PDE4D: variants seen among roughly 807,000 people sequenced by gnomAD.
PDE4D encodes phosphodiesterase 4D, also known as 3',5'-cyclic-AMP phosphodiesterase 4D.
In PDE4D, 24 loss-of-function variants were observed where a neutral mutation model predicts 87.4. The observed-to-expected ratio is 0.27, with a 90% CI of 0.20 to 0.39. The LOEUF (loss-of-function observed/expected upper bound fraction) is 0.39, where lower values mean the gene tolerates loss of function less well. Ranked by LOEUF, PDE4D falls within the 10% of genes least tolerant of loss-of-function variation. PDE4D has a pLI of 1.00. For missense variants in PDE4D, 714 were observed against 1,041.0 expected, an observed-to-expected ratio of 0.69 and a Z score of 4.32; for synonymous variants, 384 against 383.2, an observed-to-expected ratio of 1.00 and a Z score of -0.02.
intron 1 of PDE4D, among the ~76,000 whole-genome samples, chr5:59,751,726 C>T (rs1399666572): frequency 6.6e-6 from 1 of 151,834 alleles, no homozygotes; most frequent in African/African-American, 2.4e-5. Context: ...ACCTAAACCC[C>T]ATGTAATCCC....
intron 1 of PDE4D, among the ~76,000 whole-genome samples, chr5:59,885,386 T>C (rs537128706): frequency 2.6e-5 from 4 of 152,286 alleles, no homozygotes; most frequent in African/African-American, 9.6e-5. Context: ...TCTGACCTTA[T>C]CTGTCTGAAG....
At chr5:59,042,925 T>C (rs1291750330) in intron 5 of PDE4D, among the ~76,000 whole-genome samples, 1 of 152,140 alleles carries the variant, frequency 6.6e-6, no homozygotes, top group Non-Finnish European at 1.5e-5. Flanking sequence ...AAAAAAGTAA[T>C]CACCTCAGAG....
chr5:59,330,172 A>C (rs1776449875), intron 1 of PDE4D, among the ~76,000 whole-genome samples: 1 of 152,182 alleles, frequency 6.6e-6, no homozygotes, highest in Non-Finnish European at 1.5e-5. Context: ...CTTGGGGATC[A>C]GGGGGCTATT....
At chr5:59,909,088 T>C (rs1375669891) in intron 3 of PDE4D, among the ~76,000 whole-genome samples, 1 of 152,168 alleles carries the variant, frequency 6.6e-6, no homozygotes, top group African/African-American at 2.4e-5. Flanking sequence ...TTAAAACTAT[T>C]TCTTCCCTTT....
intron 1 of PDE4D, among the ~76,000 whole-genome samples, chr5:59,331,054 C>T (rs143792352): frequency 6.6e-6 from 1 of 152,254 alleles, no homozygotes; most frequent in Non-Finnish European, 1.5e-5. Flanking sequence ...CTCCTGATCC[C>T]ATTGTAGTAG....
chr5:59,243,220 T>C (rs2153523549), intron 1 of PDE4D, among the ~76,000 whole-genome samples: 1 of 152,236 alleles, frequency 6.6e-6, no homozygotes, highest in East Asian at 1.9e-4. Flanking sequence ...AACAGAGGAC[T>C]CAACTTCTGA....
intron 6 of PDE4D, among the ~76,000 whole-genome samples, chr5:59,020,665 A>T (rs1167604408): frequency 6.8e-6 from 1 of 146,522 alleles, no homozygotes; most frequent in Non-Finnish European, 1.5e-5. Context: ...GGCTTCTGGA[A>T]TTTTTTTTTT....
intron 2 of PDE4D, among the ~76,000 whole-genome samples, chr5:60,066,301 ATTTG>A (rs1772084171): frequency 2.6e-5 from 4 of 151,962 alleles, no homozygotes; most frequent in Admixed American, 2.6e-4. Context: ...TTTCTTGTAA[ATTTG>A]TTTGAGTTCA....
At chr5:59,064,443 C>T (rs1201292494) in intron 5 of PDE4D, among the ~76,000 whole-genome samples, 2 of 152,090 alleles carry the variant, frequency 1.3e-5, no homozygotes, top group Admixed American at 6.6e-5. Flanking sequence ...GACTACATAG[C>T]CTCCTAAAAA....
In PDE4D at chr5:59,988,194, A is replaced by G. The variant is rs143067570; in HGVS notation, c.272+294T>C. On this transcript the variant is annotated intron_variant, in intron 3 of 16. Coordinates refer to the PDE4D transcript ENST00000502484. ...GTTCTCATTTGTTAAAATGTCTTCT[A>G]TCAAGTCACATATGGCCAATATTAA... is the stretch of plus-strand genomic sequence containing the variant. 136 of 267,664 alleles carry G rather than the reference A, an allele frequency of 5.1e-4. 1 individual carries two copies. Among genetic ancestry groups the G allele is most frequent in the African/African-American group, 2.7e-3 (127 of 46,230 alleles). The allele number at this position is 267,664 out of a possible 1,614,324, so 16.6% of individuals were successfully genotyped here.
intron 4 of PDE4D, among the ~76,000 whole-genome samples, chr5:59,181,963 G>T (rs752508844): frequency 1.5e-4 from 23 of 152,074 alleles, no homozygotes; most frequent in Non-Finnish European, 2.9e-4. Flanking sequence ...GGGGAAAGTT[G>T]GGGAAAGCAG....
At chr5:59,954,074 C>T (rs113564632) in intron 3 of PDE4D, among the ~76,000 whole-genome samples, 48 of 150,656 alleles carry the variant, frequency 3.2e-4, no homozygotes, top group Non-Finnish European at 4.7e-4. Flanking sequence ...TACAGGCATG[C>T]GCCACCATGC....
At chr5:59,253,899 A>G (rs965814306) in intron 1 of PDE4D, among the ~76,000 whole-genome samples, 16 of 152,172 alleles carry the variant, frequency 1.1e-4, no homozygotes, top group African/African-American at 3.9e-4. Flanking sequence ...ATGAGTGAAT[A>G]TAAGAATGAA....
chr5:60,385,980 C>A (rs1181603175), intron 1 of PDE4D, among the ~76,000 whole-genome samples: 5 of 152,146 alleles, frequency 3.3e-5, no homozygotes, highest in African/African-American at 1.2e-4. Context: ...CTACACCAGG[C>A]TGCCAGAGTG....
At chr5:60,066,592 T>TATCATCATCATCATCATCATC (rs55735827) in intron 2 of PDE4D, among the ~76,000 whole-genome samples, 1 of 149,580 alleles carries the variant, frequency 6.7e-6, no homozygotes, top group African/African-American at 2.5e-5. Context: ...TAAAGCAAAT[T>TATCATCATCATCATCATCATC]ATCATCATCA....
chr5:59,672,810 T>C (rs16890090), intron 1 of PDE4D, among the ~76,000 whole-genome samples: 2,716 of 152,264 alleles, frequency 0.018, 82 homozygotes, highest in African/African-American at 0.063. Flanking sequence ...ATGTTACTAT[T>C]CTGAGCTGAT....
intron 1 of PDE4D, among the ~76,000 whole-genome samples, chr5:59,712,506 T>A (rs1304864583): frequency 1.3e-5 from 2 of 148,384 alleles, no homozygotes; most frequent in African/African-American, 4.9e-5. Context: ...ATAACAGATT[T>A]ATTAGTCCAC....
At position 60,024,898 on chromosome 5, in the gene PDE4D, GAA is replaced by G. The variant is rs34871461; in HGVS notation, c.43-36183_43-36182del. On this transcript the variant is annotated intron_variant, in intron 2 of 16. Coordinates refer to the PDE4D transcript ENST00000502484. ...TGCTTCAAACGCACAAACAAGCAGA[GAA>G]AAAAAAAAACTGCTTGAAGTATCAT... 4.7e-5 allele frequency among the ~76,000 whole-genome samples: 7 copies of G among 148,528 alleles called. No individual in the cohort carries two copies. The East Asian group carries it at 5.9e-4, about 12-fold the overall frequency.
At chr5:59,785,131 G>T (rs1429058910) in intron 1 of PDE4D, among the ~76,000 whole-genome samples, 2 of 152,058 alleles carry the variant, frequency 1.3e-5, no homozygotes, top group Non-Finnish European at 2.9e-5. Context: ...AGAAATCCTG[G>T]CCTCAAAACT....
Sources: gnomAD v4.1 joint callset for allele counts (sites outside exome capture counted in the v4.1 genomes callset) on GRCh38, gnomAD v4.1.1 for gene constraint, MANE v1.5 for transcripts, NCBI Gene and HGNC (gene_info 2026-07-23, HGNC 2026-07-21) for gene names.